Variants in COL8A2 observed in about 807,000 individuals in gnomAD.
COL8A2 encodes the protein collagen type VIII alpha 2 chain.
COL8A2 carries 16 observed loss-of-function variants against 24.0 expected under a neutral mutation model. That is an observed-to-expected ratio of 0.67 (90% CI 0.45 to 1.01). The LOEUF (loss-of-function observed/expected upper bound fraction) is 1.01, where lower values mean the gene tolerates loss of function less well. COL8A2 is among the 50% of genes least tolerant of loss of function. COL8A2 has a pLI of 0.00. For synonymous variants in COL8A2, 466 were observed against 424.5 expected, an observed-to-expected ratio of 1.10 and a Z score of -1.20; for missense variants, 818 against 942.4, an observed-to-expected ratio of 0.87 and a Z score of 1.73.
intron 1 of COL8A2, among the ~76,000 whole-genome samples, chr1:36,117,244 G>A (rs1643883764): frequency 6.6e-6 from 1 of 152,238 alleles, no homozygotes; most frequent in South Asian, 2.1e-4. Context: ...TATGACCCCA[G>A]AGCTGGGTCA....
chr1:36,096,046 A>G lies in COL8A2; in HGVS notation c.*1523T>C, dbSNP rs1012287017. 1 of 152,220 alleles carries G rather than the reference A, an allele frequency of 6.6e-6. No homozygotes were observed. The highest frequency in any genetic ancestry group is 1.5e-5 in the Non-Finnish European group (1 of 68,064). 9.4% of individuals were successfully genotyped at this position (152,220 alleles called of 1,614,324 possible). A position where few individuals can be genotyped will look rare whatever the true frequency, so the allele number is the denominator to read the frequency against. Reference sequence around the variant, plus strand: ...AAGTCAGCAGCCATCCTCCATTTTCAACATGGACCGCCTGGACACAGCCAG... The same window carrying G: ...AAGTCAGCAGCCATCCTCCATTTTCGACATGGACCGCCTGGACACAGCCAG... On this transcript the variant is annotated 3_prime_UTR_variant, in exon 4 of 4. Transcript: ENST00000397799.
intron 2 of COL8A2, 48 bp from the exon 3 acceptor site, chr1:36,100,306 G>A (rs1643659426): frequency 9.3e-6 from 14 of 1,497,970 alleles, no homozygotes; most frequent in Non-Finnish European, 1.3e-5. Context: ...TGGGTGGTTT[G>A]GCACTAGGCC....
chr1:36,113,997 G>A (rs1176481308), intron 2 of COL8A2, among the ~76,000 whole-genome samples: 1 of 152,068 alleles, frequency 6.6e-6, no homozygotes, highest in East Asian at 1.9e-4. Context: ...TCTGGAACTC[G>A]GGAGAGAGAC....
At chr1:36,113,052 G>T (rs772640678) in intron 2 of COL8A2, among the ~76,000 whole-genome samples, 21 of 152,182 alleles carry the variant, frequency 1.4e-4, no homozygotes, top group Non-Finnish European at 2.2e-4. Flanking sequence ...TAGGAAGGAG[G>T]GGGTAGAGAG....
Position 36,097,746 on chromosome 1 carries a change from G to A in COL8A2, c.1935C>T (p.Thr645=), listed in dbSNP as rs768122602. The change falls in exon 4 of 4, where the codon ACC becomes ACT. Residue 645 remains threonine (T), a synonymous_variant. Coordinates refer to ENST00000397799, the MANE Select transcript of COL8A2 (RefSeq NM_005202.4). ...VALYKNNVPA[T]YTYDEYKKGY... The stretch of plus-strand genomic sequence containing the variant: ...CCTTCTTGTACTCATCGTAGGTATA[G>A]GTGGCCGGCACGTTGTTCTTGTACA... The A allele has an allele frequency of 1.2e-6, 2 of 1,612,878 alleles. No individual in the cohort carries two copies. The highest frequency in any genetic ancestry group is 1.3e-5 in the African/African-American group (1 of 74,878).
At chr1:36,109,028 C>T (rs970894135) in intron 2 of COL8A2, among the ~76,000 whole-genome samples, 5 of 152,194 alleles carry the variant, frequency 3.3e-5, no homozygotes, top group East Asian at 3.9e-4. Context: ...AGGTTCCCAA[C>T]GGACCGGCAG....
chr1:36,106,205 A>C (rs148633233), intron 2 of COL8A2, among the ~76,000 whole-genome samples: 1 of 151,686 alleles, frequency 6.6e-6, no homozygotes, highest in East Asian at 2.0e-4. Flanking sequence ...CAGAGGTTGC[A>C]GTGAGCTGAG....
intron 2 of COL8A2, among the ~76,000 whole-genome samples, chr1:36,114,415 GAGTGAGTGGAGCCCACCAC>G (rs1643870187): frequency 6.6e-6 from 1 of 151,842 alleles, no homozygotes; most frequent in African/African-American, 2.4e-5. Context: ...TACATTTAGG[GAGTGAGTGGAGCCCACCAC>G]AGCCCTGGGC....
rs1643572023 is a variant in COL8A2, at chr1:36,096,753, C to T, written c.*816G>A. The T allele has an allele frequency of 6.6e-6, 1 of 152,338 alleles. No individual in the cohort carries two copies. Among genetic ancestry groups the T allele is most frequent in the Admixed American group, 6.5e-5 (1 of 15,290 alleles). 9.4% of individuals were successfully genotyped at this position (152,338 alleles called of 1,614,324 possible). On this transcript the variant is annotated 3_prime_UTR_variant, in exon 4 of 4. Coordinates refer to ENST00000397799, the MANE Select transcript of COL8A2 (RefSeq NM_005202.4). ...CATCTGCACTAGATACTTCTAGACA[C>T]TTCACAGAGGTTGATCTTTCTGGCC...
intron 2 of COL8A2, among the ~76,000 whole-genome samples, chr1:36,112,081 G>A (rs970451802): frequency 3.9e-5 from 6 of 152,158 alleles, no homozygotes; most frequent in Non-Finnish European, 8.8e-5. Context: ...TTGGCTCACT[G>A]CAAACTCCGC....
intron 2 of COL8A2, among the ~76,000 whole-genome samples, chr1:36,112,692 G>A (rs907576228): frequency 2.0e-5 from 3 of 152,090 alleles, no homozygotes; most frequent in African/African-American, 7.2e-5. Context: ...CAGTCCCCCA[G>A]CCCCACTTTC....
intron 2 of COL8A2, among the ~76,000 whole-genome samples, chr1:36,102,321 AT>A (rs1236536904): frequency 6.6e-6 from 1 of 152,208 alleles, no homozygotes; most frequent in African/African-American, 2.4e-5. Flanking sequence ...CAGAAAGTGG[AT>A]CAGTGGTTGC....
Position 36,099,437 on chromosome 1 carries a change from G to T in COL8A2, c.244C>A (p.Pro82Thr), listed in dbSNP as rs1643640318. Reference sequence around the variant, plus strand: ...GGACCCCGAGGCCCGGGCTTCCCAGGGGGGCCGGGCTCTCCCTTCAGGTCC... The same window carrying T: ...GGACCCCGAGGCCCGGGCTTCCCAGTGGGGCCGGGCTCTCCCTTCAGGTCC... ...PMDLKGEPGPPGKPGPRGPPG... is the reference protein window; with the variant it reads ...PMDLKGEPGPTGKPGPRGPPG... The change falls in exon 4 of 4, where the codon CCT becomes ACT. Residue 82 changes from proline to threonine, a missense_variant. This residue lies in a region of COL8A2 where 573 missense variants were observed against 616.8 expected (regional missense o/e 0.93). Transcript: ENST00000397799. 1.9e-6 allele frequency: 3 copies of T among 1,545,850 alleles called. No homozygotes were observed. The highest frequency in any genetic ancestry group is 2.4e-5 in the East Asian group (1 of 42,062).
rs201628588 is a variant in COL8A2, at chr1:36,097,555, AC to A, written c.*13del. On this transcript the variant is annotated 3_prime_UTR_variant, in exon 4 of 4. Coordinates refer to ENST00000397799, the MANE Select transcript of COL8A2 (RefSeq NM_005202.4). Reference sequence around the variant, plus strand: ...AAGGGGAGGAGGCCAGGGCAGCAGGACCCCCCCCGCGGGTTATGTGGGGCAG... The same window carrying A: ...AAGGGGAGGAGGCCAGGGCAGCAGGACCCCCCCGCGGGTTATGTGGGGCAG... 1.3e-5 allele frequency: 20 copies of A among 1,573,498 alleles called. No individual in the cohort carries two copies. The highest frequency in any genetic ancestry group is 6.8e-5 in the African/African-American group (5 of 73,488).
chr1:36,121,825 C>T (rs926376690), intron 1 of COL8A2, among the ~76,000 whole-genome samples: 1 of 152,178 alleles, frequency 6.6e-6, no homozygotes, highest in African/African-American at 2.4e-5. Context: ...GCCTGGGATC[C>T]TGGCCTCTGT....
Position 36,098,665 on chromosome 1 carries a change from C to A in COL8A2, c.1016G>T (p.Arg339Met). 5.6e-6 allele frequency: 9 copies of A among 1,610,404 alleles called. No homozygotes were observed. Among genetic ancestry groups the A allele is most frequent in the Non-Finnish European group, 6.8e-6 (8 of 1,179,404 alleles). Residue 339 changes from arginine (R) to methionine (M), a missense_variant, in exon 4 of 4, where the codon AGG becomes ATG. Arg to Met is a moderately conservative substitution (Grantham distance 91). Around this residue, in one of 3 missense-constraint regions of COL8A2, gnomAD observed 573 missense variants for 616.8 expected, o/e 0.93. Transcript: ENST00000397799. ...PAGVPGLLGD[R>M]GEPGEDGEPG... ...CTCCCCATCCTCCCCTGGCTCACCC[C>A]TGTCCCCCAAGAGTCCTGGGACCCC...
chr1:36,099,447 C>T lies in COL8A2; in HGVS notation c.234G>A (p.Glu78=). 6.5e-7 allele frequency: 1 copy of T among 1,544,614 alleles called. No homozygotes were observed. Among genetic ancestry groups the T allele is most frequent in the Non-Finnish European group, 8.7e-7 (1 of 1,150,404 alleles). ...GCCCGGGCTTCCCAGGGGGGCCGGG[C>T]TCTCCCTTCAGGTCCATCGGCAGCA... ...LPLLPMDLKG[E]PGPPGKPGPR... Residue 78 remains glutamate (E), a synonymous_variant, in exon 4 of 4, where the codon GAG becomes GAA. Coordinates refer to ENST00000397799, the MANE Select transcript of COL8A2 (RefSeq NM_005202.4).
In COL8A2 at chr1:36,115,484, C is replaced by T. The variant is rs187882615; in HGVS notation, c.-17+224G>A. Reference sequence around the variant, plus strand: ...AACACGGCCCCGCCAAGGAGCCAGGCGAAATAGTTCACAAATGAGAAAAAG... The same window carrying T: ...AACACGGCCCCGCCAAGGAGCCAGGTGAAATAGTTCACAAATGAGAAAAAG... On this transcript the variant is annotated intron_variant, in intron 2 of 3. Transcript: ENST00000397799. The surrounding 1 kb of genome is among the most constrained non-coding windows in gnomAD (Gnocchi z 5.7). Among the ~76,000 whole-genome samples the T allele has an allele frequency of 3.3e-5, 5 of 152,206 alleles. No individual in the cohort carries two copies. Among genetic ancestry groups the T allele is most frequent in the East Asian group, 1.9e-4 (1 of 5,168 alleles).
rs538447068 is a variant in COL8A2, at chr1:36,111,141, G to A, written c.-17+4567C>T. Among the ~76,000 whole-genome samples the A allele has an allele frequency of 1.2e-3, 178 of 152,170 alleles. 2 individuals are homozygous for A. The highest frequency in any genetic ancestry group is 4.2e-3 in the African/African-American group (174 of 41,504). On this transcript the variant is annotated intron_variant, in intron 2 of 3. Coordinates refer to ENST00000397799, the MANE Select transcript of COL8A2 (RefSeq NM_005202.4). ...CTTCCTCGGGGGCCCCTCACTGTCT[G>A]CCATTGCTGCCCTTGCCCCCAGTCT...
Sources: gnomAD v4.1 joint callset for allele counts (sites outside exome capture counted in the v4.1 genomes callset) on GRCh38, gnomAD v4.1.1 for gene constraint, gnomAD v4.1.1 regional missense constraint, Gnocchi (gnomAD v3.1) non-coding constraint, MANE v1.5 for transcripts, NCBI Gene and HGNC (gene_info 2026-07-23, HGNC 2026-07-21) for gene names.